The following SCN9A variants were observed in gnomAD, a reference collection of about 807,000 sequenced individuals.
The protein encoded by SCN9A is sodium voltage-gated channel alpha subunit 9, also known as sodium channel protein type 9 subunit alpha.
Under a neutral mutation model 187.0 loss-of-function variants are expected in SCN9A, and 131 were observed. That is an observed-to-expected ratio of 0.70 (90% CI 0.61 to 0.81). The LOEUF (loss-of-function observed/expected upper bound fraction) is 0.81, where lower values mean the gene tolerates loss of function less well. SCN9A is among the 30% of genes least tolerant of loss of function. SCN9A has a pLI of 0.00. For synonymous variants in SCN9A, 809 were observed against 808.6 expected (o/e 1.00, Z -0.01); for missense variants, 2,252 against 2,396.6 (o/e 0.94, Z 1.26).
At chr2:166,313,026 AT>A (rs199757256) in intron 1 of SCN9A, among the ~76,000 whole-genome samples, 37,580 of 111,116 alleles carry the variant, frequency 0.34, 7,203 homozygotes, top group African/African-American at 0.53. Flanking sequence ...TAATATAGTT[AT>A]TATTTAATTT....
chr2:166,267,569 T>C (rs1311452650), intron 17 of SCN9A, among the ~76,000 whole-genome samples: 1 of 151,880 alleles, frequency 6.6e-6, no homozygotes, highest in Non-Finnish European at 1.5e-5. Flanking sequence ...ATATTGGCCT[T>C]GTAGAATGAA....
intron 17 of SCN9A, among the ~76,000 whole-genome samples, chr2:166,261,435 A>G (rs1004612396): frequency 1.3e-5 from 2 of 151,816 alleles, no homozygotes; most frequent in Non-Finnish European, 2.9e-5. Flanking sequence ...GCTTCGTTCT[A>G]TTTCTTTCTC....
intron 24 of SCN9A, among the ~76,000 whole-genome samples, chr2:166,225,767 G>C (rs984329231): frequency 1.3e-5 from 2 of 152,120 alleles, no homozygotes; most frequent in Admixed American, 1.3e-4. Context: ...AGAGGAGAAA[G>C]ACACACAGAG....
rs759299867 is a variant in SCN9A, at chr2:166,288,442, C to T, written c.1309G>A (p.Ala437Thr). 7 of 1,607,300 alleles carry T rather than the reference C, an allele frequency of 4.4e-6. No individual in the cohort carries two copies. Among genetic ancestry groups the T allele is most frequent in the Non-Finnish European group, 6.0e-6 (7 of 1,175,472 alleles). The change falls in exon 10 of 27, where the codon GCT (alanine) becomes ACT (threonine). Residue 437 changes from alanine to threonine, a missense_variant. By Grantham distance (58) the Ala-to-Thr change is moderately conservative. Around this residue, in one of 7 missense-constraint regions of SCN9A, gnomAD observed 1,013 missense variants for 997.4 expected, o/e 1.02. Transcript: ENST00000642356. The part of the protein sequence containing the change: ...LDRLKKEQEE[A>T]EAIAAAAAEY... The stretch of plus-strand genomic sequence containing the variant: ...TTTAAATCAAATAACAGTACCTCAG[C>T]TTCTTCTTGCTCTTTTTTAAGACGG...
chr2:166,206,182 G>C (rs1422195667), intron 24 of SCN9A, among the ~76,000 whole-genome samples: 1 of 152,040 alleles, frequency 6.6e-6, no homozygotes, highest in Admixed American at 6.6e-5. Context: ...TCAAGGGATT[G>C]TAAATCATGC....
intron 16 of SCN9A, 66 bp from the exon 17 acceptor site, chr2:166,272,941 A>G: frequency 1.3e-6 from 1 of 747,676 alleles, no homozygotes; most frequent in Non-Finnish European, 2.0e-6. Flanking sequence ...ATAAAATAAA[A>G]TAAGTACACT....
intron 1 of SCN9A, among the ~76,000 whole-genome samples, chr2:166,321,049 A>G (rs1699225382): frequency 6.6e-6 from 1 of 152,252 alleles, no homozygotes; most frequent in Non-Finnish European, 1.5e-5. Flanking sequence ...TTGTTAAATC[A>G]AAAATATCAG....
In SCN9A at chr2:166,356,235, AT is replaced by A. The variant is rs985554262; in HGVS notation, c.-51+19461del. The stretch of plus-strand genomic sequence containing the variant: ...TACTGTACAACATTTTTTTATTTAG[AT>A]TTTTGTATAACGAAGTTTCTTTAAT... On this transcript the variant is annotated intron_variant, in intron 1 of 26. Transcript: ENST00000642356. 7.9e-5 allele frequency among the ~76,000 whole-genome samples: 12 copies of A among 151,862 alleles called. No homozygotes were observed. The South Asian group carries it at 2.1e-3, about 26-fold the overall frequency.
At chr2:166,313,044 T>C (rs1484289024) in intron 1 of SCN9A, among the ~76,000 whole-genome samples, 1 of 22,344 alleles carries the variant, frequency 4.5e-5, no homozygotes, top group African/African-American at 2.8e-4. Context: ...ATTTTCTGAA[T>C]AGTAAAGAAT....
intron 4 of SCN9A, among the ~76,000 whole-genome samples, chr2:166,306,207 C>G (rs1231618266): frequency 3.3e-5 from 5 of 152,096 alleles, no homozygotes; most frequent in Non-Finnish European, 1.5e-5. Flanking sequence ...TTCACCCAAT[C>G]ATTTAAAAAT....
intron 1 of SCN9A, among the ~76,000 whole-genome samples, chr2:166,353,222 CAAAAAAAA>C (rs112222195): frequency 1.2e-5 from 1 of 80,842 alleles, no homozygotes; most frequent in Non-Finnish European, 2.6e-5. Flanking sequence ...TCCCTGTTTC[CAAAAAAAA>C]AAAAAAGAGA....
intron 10 of SCN9A, among the ~76,000 whole-genome samples, chr2:166,287,021 T>TA (rs2106488701): frequency 6.6e-6 from 1 of 152,276 alleles, no homozygotes; most frequent in South Asian, 2.1e-4. Flanking sequence ...CTCTATGGTT[T>TA]AATAAAGATT....
At chr2:166,213,320 G>T (rs1694175695) in intron 24 of SCN9A, among the ~76,000 whole-genome samples, 1 of 151,514 alleles carries the variant, frequency 6.6e-6, no homozygotes, top group Non-Finnish European at 1.5e-5. Context: ...ATGGGAATAA[G>T]AAGGATCAAA....
At chr2:166,256,047 A>G (rs1696259366) in intron 17 of SCN9A, among the ~76,000 whole-genome samples, 1 of 151,460 alleles carries the variant, frequency 6.6e-6, no homozygotes, top group Non-Finnish European at 1.5e-5. Flanking sequence ...CATAGTTACT[A>G]TGTGGCATAA....
chr2:166,356,260 A>G (rs13405544), intron 1 of SCN9A, among the ~76,000 whole-genome samples: 8,469 of 140,436 alleles, frequency 0.06, 775 homozygotes, highest in African/African-American at 0.21. Context: ...AGTTTCTTTA[A>G]TGCAGATGAC....
chr2:166,287,158 A>C (rs559611260), intron 10 of SCN9A, among the ~76,000 whole-genome samples: 2 of 152,282 alleles, frequency 1.3e-5, no homozygotes, highest in South Asian at 2.1e-4. Context: ...ACCTAGTACT[A>C]TCCCTTTACA....
rs543167736 is a variant in SCN9A, at chr2:166,228,888, T to G, written c.4009A>C (p.Ile1337Leu). ...CCAGCAAACAAATTTACTCCCATGA[T>G]GCTGAATATCAGCCAGAATATAAGA... Reference protein sequence around the residue: ...VCLIFWLIFSIMGVNLFAGKF... With the variant: ...VCLIFWLIFSLMGVNLFAGKF... Residue 1337 changes from isoleucine to leucine, a missense_variant, in exon 22 of 27, where the codon ATC becomes CTC. Coordinates refer to ENST00000642356, the MANE Select transcript of SCN9A (RefSeq NM_001365536.1). The G allele has an allele frequency of 1.1e-5, 18 of 1,613,720 alleles. No individual in the cohort carries two copies. The East Asian group carries it at 4.0e-4, about 36-fold the overall frequency.
chr2:166,305,414 G>C (rs1476791635), intron 5 of SCN9A, among the ~76,000 whole-genome samples: 1 of 151,572 alleles, frequency 6.6e-6, no homozygotes, highest in Non-Finnish European at 1.5e-5. Flanking sequence ...AATAATACAG[G>C]GTAATATAAA....
intron 1 of SCN9A, among the ~76,000 whole-genome samples, chr2:166,336,173 T>C (rs957470919): frequency 1.3e-5 from 2 of 152,104 alleles, no homozygotes; most frequent in South Asian, 2.1e-4. Context: ...TAGCCAAACC[T>C]GCTAGAAAGA....
Sources: allele counts gnomAD v4.1 joint callset (sites outside exome capture counted in the v4.1 genomes callset), GRCh38; gene constraint gnomAD v4.1.1; regional missense constraint gnomAD v4.1.1; transcripts MANE v1.5; gene names NCBI Gene and HGNC (gene_info 2026-07-23, HGNC 2026-07-21).